The following VPS13B variants were observed in gnomAD, a reference collection of about 807,000 sequenced individuals.
VPS13B encodes vacuolar protein sorting 13 homolog B, also known as intermembrane lipid transfer protein VPS13B.
A neutral mutation model predicts 426.4 loss-of-function variants in VPS13B; 285 were observed. The ratio of observed to expected loss-of-function variants is 0.67; its 90% CI spans 0.61 to 0.74. VPS13B has a LOEUF of 0.74. Ranked by LOEUF, VPS13B falls within the 30% of genes least tolerant of loss-of-function variation. The probability of loss-of-function intolerance (pLI) is 0.00; values close to 1 mark genes in which losing one functional copy is unlikely to be tolerated. For missense variants in VPS13B, 4,537 were observed against 4,782.6 expected, an observed-to-expected ratio of 0.95 and a Z score of 1.51; for synonymous variants, 1,676 against 1,676.4, an observed-to-expected ratio of 1.00 and a Z score of 0.01.
intron 43 of VPS13B, among the ~76,000 whole-genome samples, chr8:99,797,650 G>T (rs1289610096): frequency 6.6e-6 from 1 of 151,910 alleles, no homozygotes; most frequent in Non-Finnish European, 1.5e-5. Context: ...TGCCCCTTTG[G>T]CCTCCTTATG....
chr8:99,241,328 ATGT>A (rs1563621395), intron 17 of VPS13B: 1 of 152,184 alleles, frequency 6.6e-6, no homozygotes, highest in Non-Finnish European at 1.5e-5. Flanking sequence ...GTGTATAATA[ATGT>A]TGTTATGACT....
chr8:99,870,808 T>C lies in VPS13B; in HGVS notation c.11416T>C (p.Ser3806Pro), dbSNP rs1230274474. Residue 3806 changes from serine to proline, a missense_variant, in exon 60 of 62, where the codon TCT (serine) becomes CCT (proline). Physicochemically the swap from Ser to Pro is moderately conservative, Grantham distance 74. Transcript: ENST00000357162. ...AGGTATTTTACATGGAGCTGGACTT[T>C]CTCAGCTTCCCAAACAGCGCCATCA... ...GYGILHGAGL[S>P]QLPKQRHQPS... The C allele has an allele frequency of 2.5e-6, 4 of 1,614,078 alleles. No homozygotes were observed. In the African/African-American group the frequency reaches 4.0e-5, roughly 16 times the overall value.
At chr8:99,131,522 A>T (rs1053430952) in intron 8 of VPS13B, among the ~76,000 whole-genome samples, 4 of 152,238 alleles carry the variant, frequency 2.6e-5, no homozygotes, top group Non-Finnish European at 4.4e-5. Flanking sequence ...AAGCGAATAT[A>T]GCAATAAAGC....
chr8:99,716,480 C>A (rs973951911), intron 36 of VPS13B, among the ~76,000 whole-genome samples: 3 of 110,088 alleles, frequency 2.7e-5, no homozygotes, highest in Non-Finnish European at 6.1e-5. Flanking sequence ...CTAAAATGTG[C>A]CATTGGTTTT....
At chr8:99,827,586 G>A (rs1814771357) in intron 51 of VPS13B, among the ~76,000 whole-genome samples, 1 of 142,582 alleles carries the variant, frequency 7.0e-6, no homozygotes, top group African/African-American at 2.6e-5. Flanking sequence ...ATCTCCTTCA[G>A]TTCTACTCTG....
At chr8:99,355,766 A>G (rs921569187) in intron 19 of VPS13B, among the ~76,000 whole-genome samples, 12 of 152,196 alleles carry the variant, frequency 7.9e-5, no homozygotes, top group South Asian at 2.1e-4. Flanking sequence ...GTCAGCTCAC[A>G]TATCAGTTTC....
chr8:99,862,070 C>G, intron 58 of VPS13B, 124 bp downstream of exon 58: 1 of 1,213,612 alleles, frequency 8.2e-7, no homozygotes, highest in Non-Finnish European at 1.1e-6. Flanking sequence ...GAAGGTAAGG[C>G]ACTTGCTCTG....
intron 2 of VPS13B, among the ~76,000 whole-genome samples, chr8:99,020,450 A>T (rs1017494121): frequency 4.6e-5 from 7 of 152,140 alleles, no homozygotes; most frequent in Non-Finnish European, 1.0e-4. Context: ...CTTACTCTAT[A>T]ATAGTGTCCT....
intron 39 of VPS13B, among the ~76,000 whole-genome samples, chr8:99,726,048 C>T (rs1466457990): frequency 6.6e-6 from 1 of 152,170 alleles, no homozygotes; most frequent in Admixed American, 6.5e-5. Flanking sequence ...TCTTTATATT[C>T]CTCATTCCAT....
At chr8:99,281,290 C>G (rs1819155998) in intron 19 of VPS13B, among the ~76,000 whole-genome samples, 1 of 152,194 alleles carries the variant, frequency 6.6e-6, no homozygotes, top group African/African-American at 2.4e-5. Context: ...CCTAACAGGC[C>G]ACGGACTAGT....
intron 58 of VPS13B, among the ~76,000 whole-genome samples, chr8:99,866,958 A>G (rs1274863238): frequency 6.6e-6 from 1 of 152,172 alleles, no homozygotes; most frequent in Non-Finnish European, 1.5e-5. Context: ...CACTCTTGGC[A>G]TTTCTGTAGA....
At chr8:99,702,483 C>T (rs1468036146) in intron 36 of VPS13B, among the ~76,000 whole-genome samples, 3 of 152,118 alleles carry the variant, frequency 2.0e-5, no homozygotes, top group Non-Finnish European at 4.4e-5. Context: ...GTACAGCCAT[C>T]TGCTGTACAG....
At chr8:99,470,720 GAAA>G (rs35794375) in intron 24 of VPS13B, among the ~76,000 whole-genome samples, 1 of 140,070 alleles carries the variant, frequency 7.1e-6, no homozygotes, top group Non-Finnish European at 1.6e-5. Context: ...GATTGGGATA[GAAA>G]AAAAAAAAAG....
intron 42 of VPS13B, among the ~76,000 whole-genome samples, chr8:99,783,169 T>C (rs139411329): frequency 5.8e-4 from 89 of 152,304 alleles, no homozygotes; most frequent in African/African-American, 2.1e-3. Context: ...TACATTCATC[T>C]GTAGTCTCCT....
intron 23 of VPS13B, among the ~76,000 whole-genome samples, chr8:99,448,114 G>GTTTT (rs1375245539): frequency 7.1e-6 from 1 of 139,992 alleles, no homozygotes; most frequent in East Asian, 2.1e-4. Flanking sequence ...TTCTCAGGTG[G>GTTTT]TTTTATTTTT....
intron 33 of VPS13B, among the ~76,000 whole-genome samples, chr8:99,602,266 A>G (rs970162395): frequency 8.5e-5 from 13 of 152,134 alleles, no homozygotes; most frequent in African/African-American, 3.1e-4. Flanking sequence ...TCCTTTCTCC[A>G]TTGCTTGTTT....
chr8:99,829,166 G>C (rs1814899593), intron 51 of VPS13B, among the ~76,000 whole-genome samples: 1 of 152,040 alleles, frequency 6.6e-6, no homozygotes, highest in Non-Finnish European at 1.5e-5. Context: ...GGTTGGGGAA[G>C]TTCTGGATAA....
chr8:99,594,677 T>G (rs1325104276), intron 33 of VPS13B, among the ~76,000 whole-genome samples: 1 of 151,998 alleles, frequency 6.6e-6, no homozygotes, highest in Non-Finnish European at 1.5e-5. Flanking sequence ...TTCCATAGAC[T>G]TCTGTCCAGT....
At chr8:99,192,510 A>G (rs925419784) in intron 16 of VPS13B, among the ~76,000 whole-genome samples, 7 of 152,216 alleles carry the variant, frequency 4.6e-5, no homozygotes, top group Non-Finnish European at 1.0e-4. Context: ...CAACGTGTTA[A>G]CAGATAAAAG....
Sources: gnomAD v4.1 joint callset for allele counts (sites outside exome capture counted in the v4.1 genomes callset) on GRCh38, gnomAD v4.1.1 for gene constraint, MANE v1.5 for transcripts, NCBI Gene and HGNC (gene_info 2026-07-23, HGNC 2026-07-21) for gene names.